The following ADAMTSL1 variants were observed in gnomAD, a reference collection of about 807,000 sequenced individuals.
The protein encoded by ADAMTSL1 is ADAMTS like 1, also known as ADAMTS-like protein 1.
Under a neutral mutation model 201.8 loss-of-function variants are expected in ADAMTSL1, and 126 were observed. The observed-to-expected ratio is 0.62, with a 90% CI of 0.54 to 0.72. The LOEUF (loss-of-function observed/expected upper bound fraction) is 0.72. Ranked by LOEUF, ADAMTSL1 falls within the 30% of genes least tolerant of loss-of-function variation. The pLI is 0.00. For missense variants in ADAMTSL1, 2,679 were observed against 2,277.8 expected (o/e 1.18, Z -3.59); for synonymous variants, 1,121 against 903.4 (o/e 1.24, Z -4.32).
At chr9:18,530,323 T>C (rs1819364268) in intron 2 of ADAMTSL1, among the ~76,000 whole-genome samples, 1 of 152,128 alleles carries the variant, frequency 6.6e-6, no homozygotes. Context: ...ATTTTTTTCA[T>C]GGATATAAGG....
At chr9:18,304,132 A>G (rs78450202) in intron 2 of ADAMTSL1, among the ~76,000 whole-genome samples, 750 of 152,254 alleles carry the variant, frequency 4.9e-3, no homozygotes, top group Middle Eastern at 0.037. Flanking sequence ...TCACTGTTAT[A>G]AAACAGTGGC....
chr9:18,723,924 T>C (rs1162417530), intron 15 of ADAMTSL1: 1 of 152,234 alleles, frequency 6.6e-6, no homozygotes, highest in African/African-American at 2.4e-5. Flanking sequence ...AGGAGCATAA[T>C]AGTGTGTTGT....
chr9:18,890,366 A>G (rs1829167409), intron 25 of ADAMTSL1, among the ~76,000 whole-genome samples: 2 of 152,314 alleles, frequency 1.3e-5, no homozygotes, highest in African/African-American at 2.4e-5. Flanking sequence ...TCAAGAGGCT[A>G]TGAGTCCCCC....
intron 1 of ADAMTSL1, among the ~76,000 whole-genome samples, chr9:17,954,520 C>T (rs372173652): frequency 1.3e-5 from 2 of 152,204 alleles, no homozygotes; most frequent in East Asian, 1.9e-4. Context: ...CATTATTATA[C>T]CTGCATGACA....
intron 1 of ADAMTSL1, among the ~76,000 whole-genome samples, chr9:18,063,407 G>A (rs902068152): frequency 6.6e-6 from 1 of 152,122 alleles, no homozygotes; most frequent in Non-Finnish European, 1.5e-5. Context: ...GTTAACTAAG[G>A]GCAGACTTTA....
At chr9:18,788,016 C>A (rs970697633) in intron 19 of ADAMTSL1, among the ~76,000 whole-genome samples, 1 of 152,142 alleles carries the variant, frequency 6.6e-6, no homozygotes, top group African/African-American at 2.4e-5. Flanking sequence ...GTGGCCTTTC[C>A]CATTCCTAAA....
chr9:18,365,767 G>C (rs1415975107), intron 2 of ADAMTSL1, among the ~76,000 whole-genome samples: 1 of 152,144 alleles, frequency 6.6e-6, no homozygotes, highest in Non-Finnish European at 1.5e-5. Flanking sequence ...CCTATCTGTG[G>C]CCTGTTAGGA....
At chr9:18,864,513 C>T (rs1412632913) in intron 23 of ADAMTSL1, among the ~76,000 whole-genome samples, 1 of 152,126 alleles carries the variant, frequency 6.6e-6, no homozygotes, top group Admixed American at 6.6e-5. Flanking sequence ...TATATAATGA[C>T]CCTTGTATTG....
At chr9:18,429,063 C>A (rs1395977440) in intron 2 of ADAMTSL1, among the ~76,000 whole-genome samples, 3 of 152,134 alleles carry the variant, frequency 2.0e-5, no homozygotes, top group African/African-American at 7.2e-5. Flanking sequence ...TTTTTACAAA[C>A]CCCACCACCA....
At chr9:17,928,190 G>T (rs1826632250) in intron 1 of ADAMTSL1, among the ~76,000 whole-genome samples, 1 of 151,814 alleles carries the variant, frequency 6.6e-6, no homozygotes, top group South Asian at 2.1e-4. Flanking sequence ...TAGAGACAGG[G>T]TTTTCACCAT....
intron 26 of ADAMTSL1, among the ~76,000 whole-genome samples, chr9:18,896,874 G>C (rs1426089351): frequency 6.6e-6 from 1 of 152,146 alleles, no homozygotes; most frequent in African/African-American, 2.4e-5. Context: ...CAGCAGACAA[G>C]CAGCATCATT....
At chr9:18,218,417 T>C (rs1306592764) in intron 2 of ADAMTSL1, among the ~76,000 whole-genome samples, 1 of 152,180 alleles carries the variant, frequency 6.6e-6, no homozygotes, top group Non-Finnish European at 1.5e-5. Flanking sequence ...ATTGACTGCT[T>C]GCTAGTTTTT....
intron 2 of ADAMTSL1, among the ~76,000 whole-genome samples, chr9:18,428,745 TC>T (rs1475919592): frequency 6.6e-6 from 1 of 152,270 alleles, no homozygotes; most frequent in African/African-American, 2.4e-5. Context: ...ACTGTGTATT[TC>T]TTTAATGTGC....
chr9:18,204,021 T>A (rs992622557), intron 2 of ADAMTSL1, among the ~76,000 whole-genome samples: 12 of 152,204 alleles, frequency 7.9e-5, no homozygotes, highest in African/African-American at 2.9e-4. Flanking sequence ...GTCTGTCATC[T>A]TGAGCAGGGC....
chr9:18,276,609 A>G (rs71506866), intron 2 of ADAMTSL1, among the ~76,000 whole-genome samples: 7,073 of 152,300 alleles, frequency 0.046, 256 homozygotes, highest in Non-Finnish European at 0.075. Context: ...AGGCTGTACA[A>G]GAAGCGTGCT....
intron 2 of ADAMTSL1, among the ~76,000 whole-genome samples, chr9:18,407,484 T>A (rs1462296679): frequency 6.6e-6 from 1 of 152,152 alleles, no homozygotes; most frequent in Non-Finnish European, 1.5e-5. Flanking sequence ...AGATGGGGGA[T>A]AAACATTGAG....
Position 18,817,174 on chromosome 9 carries a change from G to A in ADAMTSL1, c.3871G>A (p.Asp1291Asn), listed in dbSNP as rs779376771. The change falls in exon 21 of 29, where the codon GAT (aspartate) becomes AAT (asparagine). Residue 1291 changes from aspartate (D) to asparagine (N), a missense_variant. Asp to Asn is a conservative substitution (Grantham distance 23). Coordinates refer to ENST00000380548, the MANE Select transcript of ADAMTSL1 (RefSeq NM_001040272.6). ...INTEKPAVTV[D>N]IGSTIKTVQG... ...CACGGAGAAGCCTGCAGTCACAGTC[G>A]ATATAGGAAGCACCATCAAAACAGT... 29 of 1,585,544 alleles carry A rather than the reference G, an allele frequency of 1.8e-5. No homozygotes were observed. Among genetic ancestry groups the A allele is most frequent in the South Asian group, 1.0e-4 (9 of 86,756 alleles).
chr9:18,403,153 A>G (rs1001104660), intron 2 of ADAMTSL1, among the ~76,000 whole-genome samples: 1 of 151,310 alleles, frequency 6.6e-6, no homozygotes, highest in South Asian at 2.1e-4. Context: ...ATTTTCTTGT[A>G]ATCTTTTTTT....
At chr9:18,243,387 A>G (rs1831140573) in intron 2 of ADAMTSL1, among the ~76,000 whole-genome samples, 1 of 152,112 alleles carries the variant, frequency 6.6e-6, no homozygotes, top group Admixed American at 6.6e-5. Flanking sequence ...ATGTGCTTCT[A>G]TCCCCACCAT....
Sources: gnomAD v4.1 joint callset for allele counts (sites outside exome capture counted in the v4.1 genomes callset) on GRCh38, gnomAD v4.1.1 for gene constraint, MANE v1.5 for transcripts, NCBI Gene and HGNC (gene_info 2026-07-23, HGNC 2026-07-21) for gene names.